CDKAL1: variants seen among roughly 807,000 people sequenced by gnomAD.
The protein encoded by CDKAL1 is threonylcarbamoyladenosine tRNA methylthiotransferase.
In CDKAL1, 32 loss-of-function variants were observed where a neutral mutation model predicts 68.2. The ratio of observed to expected loss-of-function variants is 0.47; its 90% CI spans 0.35 to 0.63. The LOEUF (loss-of-function observed/expected upper bound fraction) is 0.63. Ranked by LOEUF, CDKAL1 falls within the 30% of genes least tolerant of loss-of-function variation. The pLI is 0.00. For synonymous variants in CDKAL1, 234 were observed against 244.3 expected (o/e 0.96, Z 0.39); for missense variants, 606 against 696.7 (o/e 0.87, Z 1.47).
At chr6:20,712,429 G>A (rs1415401575) in intron 5 of CDKAL1, among the ~76,000 whole-genome samples, 1 of 150,880 alleles carries the variant, frequency 6.6e-6, no homozygotes, top group East Asian at 2.0e-4. Flanking sequence ...CCATGATGGT[G>A]TTTCAGGACT....
intron 11 of CDKAL1, among the ~76,000 whole-genome samples, chr6:21,033,726 G>A (rs1431702411): frequency 2.6e-5 from 4 of 152,164 alleles, no homozygotes; most frequent in Non-Finnish European, 5.9e-5. Flanking sequence ...CACTATAGAC[G>A]ATGTGCTTTG....
chr6:20,961,615 A>C (rs1765059946), intron 10 of CDKAL1, among the ~76,000 whole-genome samples: 1 of 152,026 alleles, frequency 6.6e-6, no homozygotes, highest in African/African-American at 2.4e-5. Context: ...AAAATACAAA[A>C]AATTAGCCGG....
chr6:20,654,097 G>C (rs1581903020), intron 5 of CDKAL1, among the ~76,000 whole-genome samples: 2 of 151,262 alleles, frequency 1.3e-5, no homozygotes, highest in African/African-American at 2.4e-5. Flanking sequence ...TGGCCAGGCT[G>C]ATCTCGAACT....
At chr6:20,632,972 A>C (rs945251690) in intron 4 of CDKAL1, among the ~76,000 whole-genome samples, 3 of 152,180 alleles carry the variant, frequency 2.0e-5, no homozygotes, top group Non-Finnish European at 4.4e-5. Flanking sequence ...TGGAAGATAC[A>C]TTTAGGCAGT....
intron 11 of CDKAL1, among the ~76,000 whole-genome samples, chr6:21,005,959 C>T (rs1199104305): frequency 2.6e-5 from 4 of 152,112 alleles, no homozygotes; most frequent in Non-Finnish European, 5.9e-5. Context: ...CCGCTGTATA[C>T]TCATTCAATG....
chr6:20,822,444 A>G (rs1777324032), intron 8 of CDKAL1, among the ~76,000 whole-genome samples: 1 of 152,174 alleles, frequency 6.6e-6, no homozygotes. Flanking sequence ...AGAACATGCC[A>G]CAACATAAGT....
intron 12 of CDKAL1, among the ~76,000 whole-genome samples, chr6:21,085,304 T>A (rs17834555): frequency 0.31 from 47,016 of 152,124 alleles, 7,465 homozygotes; most frequent in Middle Eastern, 0.41. Flanking sequence ...TAAAAATTGT[T>A]AATTTGCCTG....
intron 10 of CDKAL1, among the ~76,000 whole-genome samples, chr6:20,998,912 C>T (rs1767269054): frequency 6.6e-6 from 1 of 152,144 alleles, no homozygotes; most frequent in South Asian, 2.1e-4. Context: ...TGGGCTTCCC[C>T]TTTGGCTAAA....
intron 5 of CDKAL1, among the ~76,000 whole-genome samples, chr6:20,683,728 C>T (rs934280044): frequency 2.0e-5 from 3 of 152,154 alleles, no homozygotes; most frequent in African/African-American, 7.2e-5. Flanking sequence ...CATTATCAAT[C>T]ACCCAGAGAA....
chr6:21,030,402 G>A lies in CDKAL1; in HGVS notation c.1055+30030G>A, dbSNP rs142396810. 7.9e-5 allele frequency among the ~76,000 whole-genome samples: 12 copies of A among 152,106 alleles called. No individual in the cohort carries two copies. In the East Asian group the frequency reaches 2.3e-3, roughly 29 times the overall value. ...TTCGGGACTTAAAACCTAGATGACG[G>A]GTTGATAGGTGCAGCAGACCACCAT... On this transcript the variant is annotated intron_variant, in intron 11 of 15. Transcript: ENST00000274695.
At chr6:20,623,067 G>A (rs957400726) in intron 4 of CDKAL1, among the ~76,000 whole-genome samples, 3 of 151,972 alleles carry the variant, frequency 2.0e-5, no homozygotes, top group African/African-American at 7.2e-5. Context: ...GAAGAAAAAT[G>A]TACATTAAAA....
chr6:21,105,134 G>A (rs1055709616), intron 12 of CDKAL1, among the ~76,000 whole-genome samples: 7 of 152,100 alleles, frequency 4.6e-5, no homozygotes, highest in South Asian at 2.1e-4. Context: ...CTGTTTCACC[G>A]AATAAGTGGG....
At chr6:20,559,099 T>G (rs1190881798) in intron 4 of CDKAL1, 4 of 152,384 alleles carry the variant, frequency 2.6e-5, no homozygotes, top group African/African-American at 7.2e-5. Flanking sequence ...CCTTTTTTTT[T>G]GTTATTTTAT....
In CDKAL1 at chr6:21,140,339, T is replaced by G. The variant is rs1775834091; in HGVS notation, c.1299+31876T>G. On this transcript the variant is annotated intron_variant, in intron 13 of 15. Transcript: ENST00000274695. Reference sequence around the variant, plus strand: ...GAATTGTATTTACGGCAAAGCTACTTGCAAATTACTTGCATTGAGACCAAA... The same window carrying G: ...GAATTGTATTTACGGCAAAGCTACTGGCAAATTACTTGCATTGAGACCAAA... Among the ~76,000 whole-genome samples the G allele has an allele frequency of 2.0e-5, 3 of 152,222 alleles. No homozygotes were observed. In the South Asian group the frequency reaches 6.2e-4, roughly 32 times the overall value.
At chr6:21,204,771 C>T (rs944887350) in intron 15 of CDKAL1, among the ~76,000 whole-genome samples, 1 of 148,624 alleles carries the variant, frequency 6.7e-6, no homozygotes, top group African/African-American at 2.4e-5. Context: ...CCTTTGTTTT[C>T]GTTTTTGTGT....
At chr6:21,215,107 T>C (rs1287100598) in intron 15 of CDKAL1, among the ~76,000 whole-genome samples, 1 of 152,146 alleles carries the variant, frequency 6.6e-6, no homozygotes, top group East Asian at 1.9e-4. Context: ...GCTCAGCAGC[T>C]CTTCTAAGCT....
intron 6 of CDKAL1, among the ~76,000 whole-genome samples, chr6:20,752,378 A>G (rs565681612): frequency 6.0e-4 from 91 of 152,240 alleles, no homozygotes; most frequent in African/African-American, 2.2e-3. Flanking sequence ...ATCAAGTACT[A>G]TTTTAAATTA....
intron 13 of CDKAL1, among the ~76,000 whole-genome samples, chr6:21,122,556 T>A (rs1468810696): frequency 6.6e-6 from 1 of 152,166 alleles, no homozygotes; most frequent in Non-Finnish European, 1.5e-5. Flanking sequence ...TATTTCCATA[T>A]TGCATAGGCC....
chr6:21,117,067 T>C (rs755511085), intron 13 of CDKAL1, among the ~76,000 whole-genome samples: 22 of 152,124 alleles, frequency 1.4e-4, no homozygotes, highest in Non-Finnish European at 2.1e-4. Context: ...ATTCTCTTTC[T>C]CTCTTGACGA....
Sources: allele counts gnomAD v4.1 joint callset (sites outside exome capture counted in the v4.1 genomes callset), GRCh38; gene constraint gnomAD v4.1.1; transcripts MANE v1.5; gene names NCBI Gene and HGNC (gene_info 2026-07-23, HGNC 2026-07-21).